Variants in NEB observed in about 807,000 individuals in gnomAD.
NEB encodes the protein nemaline myopathy type 2.
A neutral mutation model predicts 952.2 loss-of-function variants in NEB; 512 were observed. The ratio of observed to expected loss-of-function variants is 0.54; its 90% CI spans 0.50 to 0.58. The LOEUF (loss-of-function observed/expected upper bound fraction) is 0.58, where lower values mean the gene tolerates loss of function less well. Among genes scored for constraint, NEB ranks in the 20% least tolerant of loss-of-function variants. The pLI is 0.00. For missense variants in NEB, 8,428 were observed against 9,231.1 expected, an observed-to-expected ratio of 0.91 and a Z score of 3.56; for synonymous variants, 2,900 against 3,149.8, an observed-to-expected ratio of 0.92 and a Z score of 2.66.
At position 151,671,178 on chromosome 2, in the gene NEB, G is replaced by C; in HGVS notation, c.4351C>G (p.Pro1451Ala). Residue 1451 changes from proline to alanine, a missense_variant, in exon 38 of 182, where the codon CCT (proline) becomes GCT (alanine). Physicochemically the swap from Pro to Ala is conservative, Grantham distance 27. Coordinates refer to ENST00000397345, the MANE Select transcript of NEB (RefSeq NM_001164508.2). Reference protein sequence around the residue: ...NSFLKGIGWIPIGSLEVEKVK... With the variant: ...NSFLKGIGWIAIGSLEVEKVK... ...TTCTCCACCTCCAGGGAACCAATAG[G>C]GATCCATCCGATGCCCTTCAAGAAG... 2 of 1,613,824 alleles carry C rather than the reference G, an allele frequency of 1.2e-6. No individual in the cohort carries two copies. The highest frequency in any genetic ancestry group is 8.5e-7 in the Non-Finnish European group (1 of 1,179,854).
intron 146 of NEB, 21 bp from the exon 147 acceptor site, chr2:151,527,606 A>C (rs2087133624): frequency 1.9e-6 from 3 of 1,573,976 alleles, no homozygotes; most frequent in Non-Finnish European, 2.6e-6. Flanking sequence ...CAGGAGAGAA[A>C]GGAATCACTT....
At chr2:151,716,464 AT>A (rs1449592418) in intron 10 of NEB, among the ~76,000 whole-genome samples, 1 of 152,132 alleles carries the variant, frequency 6.6e-6, no homozygotes. Context: ...TGGATCATGT[AT>A]TTATGTACAG....
Position 151,615,991 on chromosome 2 carries a change from C to T in NEB, c.11289+11G>A, listed in dbSNP as rs773908260. 3 of 1,590,656 alleles carry T rather than the reference C, an allele frequency of 1.9e-6. No individual in the cohort carries two copies. Among genetic ancestry groups the T allele is most frequent in the East Asian group, 2.2e-5 (1 of 44,536 alleles). ...TGAATAAGAAATGGCTTTTCCAAAA[C>T]ATCCACTTACATCACTAGCAATATC... On this transcript the variant is annotated intron_variant, in intron 76 of 181. Transcript: ENST00000397345.
chr2:151,509,906 C>A (rs2072719900), intron 161 of NEB, among the ~76,000 whole-genome samples: 1 of 152,154 alleles, frequency 6.6e-6, no homozygotes, highest in South Asian at 2.1e-4. Context: ...CTGCGCCCGA[C>A]CAAGAGTTTT....
At chr2:151,687,096 T>A (rs908339927) in intron 27 of NEB, among the ~76,000 whole-genome samples, 1 of 152,214 alleles carries the variant, frequency 6.6e-6, no homozygotes, top group African/African-American at 2.4e-5. Flanking sequence ...ATTTTAAAAA[T>A]TGTTTTTCAA....
chr2:151,563,497 G>A (rs1254888499), intron 119 of NEB, 109 bp downstream of exon 119: 20 of 918,312 alleles, frequency 2.2e-5, no homozygotes, highest in South Asian at 2.8e-5. Flanking sequence ...AGGACCCTAC[G>A]CTACTCCATT....
intron 165 of NEB, among the ~76,000 whole-genome samples, chr2:151,503,701 A>C (rs1381889375): frequency 6.6e-6 from 1 of 152,216 alleles, no homozygotes; most frequent in Non-Finnish European, 1.5e-5. Flanking sequence ...TGCATTAATA[A>C]ATAAATTTAC....
chr2:151,592,077 G>A lies in NEB; in HGVS notation c.14783C>T (p.Pro4928Leu). 1 of 1,549,634 alleles carries A rather than the reference G, an allele frequency of 6.5e-7. No homozygotes were observed. Among genetic ancestry groups the A allele is most frequent in the Non-Finnish European group, 8.7e-7 (1 of 1,146,822 alleles). ...ATTGATTTTGGATTGCAGCATCAGG[G>A]GAGTGTCAGCTGGCACGTTCACATT... ...KANVNVPADT[P>L]LMLQSKINAL... Residue 4928 changes from proline to leucine, a missense_variant, in exon 95 of 182, where the codon CCC becomes CTC. By Grantham distance (98) the Pro-to-Leu change is moderately conservative (BLOSUM62 -3). Coordinates refer to ENST00000397345, the MANE Select transcript of NEB (RefSeq NM_001164508.2).
chr2:151,657,791 G>T (rs1399733686), intron 48 of NEB, among the ~76,000 whole-genome samples, 192 bp downstream of exon 48: 4 of 152,186 alleles, frequency 2.6e-5, no homozygotes, highest in Admixed American at 2.6e-4. Flanking sequence ...ATCTATGAGG[G>T]TCACCATGTG....
intron 39 of NEB, among the ~76,000 whole-genome samples, chr2:151,668,820 TA>T (rs1378183273): frequency 2.0e-5 from 3 of 152,106 alleles, no homozygotes; most frequent in Admixed American, 2.0e-4. Context: ...AACCCACTAA[TA>T]AGCCACAGCC....
intron 175 of NEB, 96 bp downstream of exon 175, chr2:151,493,678 CA>C (rs2058261198): frequency 9.5e-7 from 1 of 1,047,460 alleles, no homozygotes; most frequent in African/African-American, 1.6e-5. Flanking sequence ...TAAAGATACA[CA>C]AAAGTTTTGG....
intron 168 of NEB, among the ~76,000 whole-genome samples, chr2:151,500,510 A>G (rs1457426139): frequency 1.3e-5 from 2 of 151,896 alleles, no homozygotes; most frequent in South Asian, 2.1e-4. Context: ...TGATTTGTAT[A>G]TTAAAAAAAA....
chr2:151,634,051 C>G, intron 64 of NEB, 86 bp from the exon 65 acceptor site: 1 of 1,414,304 alleles, frequency 7.1e-7, no homozygotes, highest in Non-Finnish European at 9.6e-7. Flanking sequence ...TTACATCATA[C>G]TTCAACTGAC....
chr2:151,564,580 T>C (rs1344486999), intron 117 of NEB, among the ~76,000 whole-genome samples: 1 of 152,250 alleles, frequency 6.6e-6, no homozygotes, highest in Non-Finnish European at 1.5e-5. Context: ...ACTATTGGTC[T>C]CCTTTAAATT....
intron 54 of NEB, among the ~76,000 whole-genome samples, 170 bp from the exon 55 acceptor site, chr2:151,646,404 A>G (rs573733338): frequency 1.3e-5 from 2 of 152,338 alleles, no homozygotes; most frequent in Admixed American, 6.5e-5. Flanking sequence ...CTTATCTGGG[A>G]CATAACTGCC....
At chr2:151,618,607 C>T in intron 73 of NEB, 129 bp from the exon 74 acceptor site, 3 of 908,208 alleles carry the variant, frequency 3.3e-6, no homozygotes, top group Non-Finnish European at 5.0e-6. Flanking sequence ...GTCATTCACT[C>T]ACTCACGCAC....
chr2:151,499,198 AT>A, intron 169 of NEB, 99 bp downstream of exon 169: 1 of 619,274 alleles, frequency 1.6e-6, no homozygotes. Flanking sequence ...GACAGGTCAA[AT>A]TTTTTATTGG....
At chr2:151,700,682 TA>T (rs2099642700) in intron 13 of NEB, among the ~76,000 whole-genome samples, 1 of 99,786 alleles carries the variant, frequency 1.0e-5, no homozygotes. Flanking sequence ...TATTGGTGTA[TA>T]AGAATGCTTG....
At position 151,644,587 on chromosome 2, in the gene NEB, T is replaced by C. The variant is rs763245157; in HGVS notation, c.7537-12A>G. ...ATTCGGTAGAGTTTCTGTTAAGAAATGAAGATCATTTTGGGAAATACTGTT... is the reference window on the plus strand; with the variant it reads ...ATTCGGTAGAGTTTCTGTTAAGAAACGAAGATCATTTTGGGAAATACTGTT... On this transcript the variant is annotated splice_polypyrimidine_tract_variant and intron_variant, in intron 55 of 181. Transcript: ENST00000397345. 6.3e-7 allele frequency: 1 copy of C among 1,598,052 alleles called. No individual in the cohort carries two copies. The highest frequency in any genetic ancestry group is 8.6e-7 in the Non-Finnish European group (1 of 1,165,446).
Sources: allele counts gnomAD v4.1 joint callset (sites outside exome capture counted in the v4.1 genomes callset), GRCh38; gene constraint gnomAD v4.1.1; transcripts MANE v1.5; gene names NCBI Gene and HGNC (gene_info 2026-07-23, HGNC 2026-07-21).